Variants in CDK8 observed in about 807,000 individuals in gnomAD.
CDK8 encodes the protein cyclin-dependent kinase 8.
CDK8 carries 29 observed loss-of-function variants against 71.5 expected under a neutral mutation model. The ratio of observed to expected loss-of-function variants is 0.41; its 90% CI spans 0.30 to 0.55. The LOEUF is 0.55. Among genes scored for constraint, CDK8 ranks in the 20% least tolerant of loss-of-function variants. CDK8 has a pLI of 0.37. For synonymous variants in CDK8, 161 were observed against 192.1 expected, an observed-to-expected ratio of 0.84 and a Z score of 1.34; for missense variants, 288 against 572.6, an observed-to-expected ratio of 0.50 and a Z score of 5.07.
At chr13:26,348,587 C>T (rs1245764779) in intron 2 of CDK8, among the ~76,000 whole-genome samples, 1 of 151,956 alleles carries the variant, frequency 6.6e-6, no homozygotes, top group African/African-American at 2.4e-5. Flanking sequence ...TGCACCTCCA[C>T]CCCATTATCC....
intron 9 of CDK8, among the ~76,000 whole-genome samples, chr13:26,399,141 C>G (rs572161463): frequency 1.8e-4 from 27 of 151,822 alleles, no homozygotes; most frequent in Non-Finnish European, 3.5e-4. Flanking sequence ...TCCCGAGTAC[C>G]TGGGATTACA....
intron 9 of CDK8, 117 bp from the exon 10 acceptor site, chr13:26,400,336 T>A (rs1302564392): frequency 7.4e-6 from 5 of 679,984 alleles, no homozygotes; most frequent in Non-Finnish European, 1.1e-5. Context: ...TTTGGGGGAA[T>A]AAATATTTTC....
intron 1 of CDK8, among the ~76,000 whole-genome samples, chr13:26,262,245 A>G (rs1871801925): frequency 6.6e-6 from 1 of 152,250 alleles, no homozygotes; most frequent in Non-Finnish European, 1.5e-5. Flanking sequence ...TTCAGTGTAT[A>G]TGTGGTTAAT....
At chr13:26,284,015 A>T (rs1355777950) in intron 1 of CDK8, among the ~76,000 whole-genome samples, 1 of 152,236 alleles carries the variant, frequency 6.6e-6, no homozygotes, top group African/African-American at 2.4e-5. Context: ...AATACATGGA[A>T]ATTAAATAAT....
chr13:26,367,191 T>TGTC (rs750639453), intron 4 of CDK8, among the ~76,000 whole-genome samples: 5 of 152,028 alleles, frequency 3.3e-5, no homozygotes, highest in Non-Finnish European at 7.4e-5. Flanking sequence ...TAAAATCAAA[T>TGTC]GTCTGAAAAA....
chr13:26,378,137 A>G (rs1008236561), intron 4 of CDK8, among the ~76,000 whole-genome samples: 2 of 152,218 alleles, frequency 1.3e-5, no homozygotes, highest in Non-Finnish European at 2.9e-5. Flanking sequence ...TTAACTTGGC[A>G]GATGTGCCAC....
chr13:26,359,590 T>G, intron 4 of CDK8: 1 of 186,544 alleles, frequency 5.4e-6, no homozygotes, highest in South Asian at 7.7e-5. Flanking sequence ...GGTCCTCCTT[T>G]CTAGATAGAG....
At chr13:26,260,739 CT>C (rs1871736477) in intron 1 of CDK8, among the ~76,000 whole-genome samples, 1 of 152,162 alleles carries the variant, frequency 6.6e-6, no homozygotes, top group Non-Finnish European at 1.5e-5. Flanking sequence ...AACGTAACTA[CT>C]TTGACAATTA....
Position 26,401,451 on chromosome 13 carries a change from G to A in CDK8, c.1111-15G>A. On this transcript the variant is annotated splice_polypyrimidine_tract_variant and intron_variant, in intron 11 of 12. Coordinates refer to ENST00000381527, the MANE Select transcript of CDK8 (RefSeq NM_001260.3). The surrounding 1 kb of genome is among the most constrained non-coding windows in gnomAD (Gnocchi z 4.5). The stretch of plus-strand genomic sequence containing the variant: ...TCTCCCTCTGAGCTGAACTTTTTCT[G>A]TTTAACCAATTGAGAAGAACCAGCA... 6.2e-7 allele frequency: 1 copy of A among 1,614,034 alleles called. No individual in the cohort carries two copies. Among genetic ancestry groups the A allele is most frequent in the Non-Finnish European group, 8.5e-7 (1 of 1,179,966 alleles).
intron 5 of CDK8, 120 bp from the exon 6 acceptor site, chr13:26,385,091 T>A: frequency 1.3e-6 from 1 of 770,496 alleles, no homozygotes; most frequent in Non-Finnish European, 2.0e-6. Context: ...GTTTTGTGGG[T>A]TTCTTCCCCT....
intron 1 of CDK8, among the ~76,000 whole-genome samples, chr13:26,266,120 A>G (rs897989947): frequency 6.6e-6 from 1 of 151,418 alleles, no homozygotes; most frequent in Admixed American, 6.6e-5. Flanking sequence ...TGCCATTCAC[A>G]TAGCCAAAAC....
At chr13:26,266,361 T>C (rs1230343905) in intron 1 of CDK8, among the ~76,000 whole-genome samples, 3 of 152,076 alleles carry the variant, frequency 2.0e-5, no homozygotes, top group Admixed American at 1.3e-4. Context: ...ACAAGGGCCT[T>C]GTATAAAGTG....
chr13:26,343,648 G>T (rs1873339426), intron 2 of CDK8, among the ~76,000 whole-genome samples: 1 of 152,158 alleles, frequency 6.6e-6, no homozygotes, highest in African/African-American at 2.4e-5. Flanking sequence ...GTGAATGAAT[G>T]TGAAGGCCTA....
At chr13:26,366,748 G>A (rs1403725829) in intron 4 of CDK8, among the ~76,000 whole-genome samples, 1 of 152,146 alleles carries the variant, frequency 6.6e-6, no homozygotes, top group Admixed American at 6.5e-5. Context: ...ATTCAGGTCA[G>A]TGTAGTTTAA....
chr13:26,335,951 A>AACG (rs1438071624), intron 1 of CDK8, among the ~76,000 whole-genome samples: 1 of 145,256 alleles, frequency 6.9e-6, no homozygotes, highest in Non-Finnish European at 1.5e-5. Flanking sequence ...CAACAACAAC[A>AACG]ACAGACCTTT....
intron 1 of CDK8, among the ~76,000 whole-genome samples, chr13:26,262,009 C>T (rs1871790723): frequency 6.6e-6 from 1 of 152,228 alleles, no homozygotes; most frequent in Non-Finnish European, 1.5e-5. Context: ...TGCTCTCCTC[C>T]ATCAACTTAG....
At chr13:26,344,801 G>A (rs1376408629) in intron 2 of CDK8, among the ~76,000 whole-genome samples, 1 of 151,794 alleles carries the variant, frequency 6.6e-6, no homozygotes, top group African/African-American at 2.4e-5. Context: ...CCTCTCCTAG[G>A]ATAACAGTAC....
chr13:26,344,462 A>C (rs1873376424), intron 2 of CDK8, among the ~76,000 whole-genome samples: 1 of 152,172 alleles, frequency 6.6e-6, no homozygotes, highest in South Asian at 2.1e-4. Context: ...TTATCCCACT[A>C]GAAAGTCTTC....
chr13:26,358,112 G>C (rs1027582182), intron 4 of CDK8, among the ~76,000 whole-genome samples: 2 of 151,714 alleles, frequency 1.3e-5, no homozygotes, highest in Non-Finnish European at 2.9e-5. Context: ...TGGCTAACAT[G>C]GTGAAACCCT....
Sources: gnomAD v4.1 joint callset for allele counts (sites outside exome capture counted in the v4.1 genomes callset) on GRCh38, gnomAD v4.1.1 for gene constraint, Gnocchi (gnomAD v3.1) non-coding constraint, MANE v1.5 for transcripts, NCBI Gene and HGNC (gene_info 2026-07-23, HGNC 2026-07-21) for gene names.